Variants in CLASP1 observed in about 807,000 individuals in gnomAD.
CLASP1 encodes the protein CLIP-associating protein 1.
Under a neutral mutation model 192.3 loss-of-function variants are expected in CLASP1, and 38 were observed. That is an observed-to-expected ratio of 0.20 (90% confidence interval 0.15 to 0.26). The LOEUF is 0.26. CLASP1 is among the 10% of genes least tolerant of loss of function. CLASP1 has a pLI of 1.00. For missense variants in CLASP1, 1,433 were observed against 1,932.5 expected, an observed-to-expected ratio of 0.74 and a Z score of 4.85; for synonymous variants, 691 against 712.8, an observed-to-expected ratio of 0.97 and a Z score of 0.49.
intron 30 of CLASP1, among the ~76,000 whole-genome samples, chr2:121,391,580 G>T (rs2074355715): frequency 6.6e-6 from 1 of 152,178 alleles, no homozygotes; most frequent in African/African-American, 2.4e-5. Context: ...CTTGCTACAG[G>T]TGATGAAATG....
In CLASP1 at chr2:121,382,331, T is replaced by C; in HGVS notation, c.3375-7A>G. 1 of 1,519,320 alleles carries C rather than the reference T, an allele frequency of 6.6e-7. No individual in the cohort carries two copies. The highest frequency in any genetic ancestry group is 1.3e-5 in the South Asian group (1 of 78,596). 94.1% of individuals were successfully genotyped at this position (1,519,320 alleles called of 1,614,324 possible). ...ACTCCAACCCCATAACCGACTGCAG[T>C]GATCAGAAGAGGAAAATCAGAGAGA... On this transcript the variant is annotated splice_polypyrimidine_tract_variant and splice_region_variant and intron_variant, in intron 32 of 39. Coordinates refer to ENST00000263710, the Ensembl canonical transcript of CLASP1.
At chr2:121,644,560 C>A (rs1372594178) in intron 1 of CLASP1, among the ~76,000 whole-genome samples, 2 of 152,130 alleles carry the variant, frequency 1.3e-5, no homozygotes, top group East Asian at 1.9e-4. Context: ...GAGGCTGAGG[C>A]AGGAGAATTG....
chr2:121,637,908 C>T (rs1207130614), intron 1 of CLASP1, among the ~76,000 whole-genome samples: 1 of 151,418 alleles, frequency 6.6e-6, no homozygotes, highest in East Asian at 1.9e-4. Context: ...AATTGAAAAA[C>T]TTTTTTAAGA....
chr2:121,345,515 G>T (rs2063338503), intron 39 of CLASP1, among the ~76,000 whole-genome samples: 1 of 152,206 alleles, frequency 6.6e-6, no homozygotes, highest in Non-Finnish European at 1.5e-5. Flanking sequence ...TTTGTGAATT[G>T]TATCATTGAA....
chr2:121,567,714 C>T (rs946297874), intron 2 of CLASP1, among the ~76,000 whole-genome samples: 4 of 152,172 alleles, frequency 2.6e-5, no homozygotes, highest in Non-Finnish European at 4.4e-5. Flanking sequence ...ATGTGTGAAA[C>T]GGGCAAATAA....
rs578012011 is a variant in CLASP1 at position 121,447,502 on chromosome 2, T to C, written c.1747A>G (p.Thr583Ala). The change falls in exon 19 of 40, where the codon ACA (threonine) becomes GCA (alanine). Residue 583 changes from threonine (T) to alanine (A), a missense_variant. Coordinates refer to ENST00000263710, the Ensembl canonical transcript of CLASP1. ...GTTGACACAGATTTGGTACTAACTG[T>C]AGAAGCTTTAGTGATAAAGGAGGAA... is the stretch of plus-strand genomic sequence containing the variant. 16 of 1,551,784 alleles carry C rather than the reference T, an allele frequency of 1.0e-5. No individual in the cohort carries two copies. In the South Asian group the frequency reaches 1.8e-4, roughly 17 times the overall value.
At chr2:121,579,147 G>T (rs1191630638) in intron 2 of CLASP1, among the ~76,000 whole-genome samples, 1 of 152,024 alleles carries the variant, frequency 6.6e-6, no homozygotes, top group Non-Finnish European at 1.5e-5. Flanking sequence ...TTATTCATAT[G>T]GTTTTTTTAC....
chr2:121,484,114 T>C (rs1040523574), intron 8 of CLASP1, among the ~76,000 whole-genome samples: 3 of 152,226 alleles, frequency 2.0e-5, no homozygotes, highest in African/African-American at 7.2e-5. Context: ...TGCAGATAAG[T>C]GCAGTTATTC....
intron 37 of CLASP1, among the ~76,000 whole-genome samples, chr2:121,362,144 A>G (rs533458061): frequency 1.3e-5 from 2 of 152,372 alleles, no homozygotes; most frequent in African/African-American, 2.4e-5. Context: ...ATGAGCCAAG[A>G]GCTCAAACTA....
chr2:121,539,270 T>C (rs2095173149), intron 2 of CLASP1, among the ~76,000 whole-genome samples: 1 of 152,182 alleles, frequency 6.6e-6, no homozygotes, highest in South Asian at 2.1e-4. Flanking sequence ...TTTATTACAA[T>C]ATCACAGGAA....
intron 33 of CLASP1, among the ~76,000 whole-genome samples, chr2:121,377,944 C>T (rs926700320): frequency 6.6e-6 from 1 of 151,688 alleles, no homozygotes; most frequent in African/African-American, 2.4e-5. Context: ...ACTGAAGGCA[C>T]GAGATAATGA....
intron 1 of CLASP1, among the ~76,000 whole-genome samples, chr2:121,628,496 T>C (rs555162436): frequency 3.3e-4 from 50 of 151,966 alleles, no homozygotes; most frequent in African/African-American, 1.2e-3. Flanking sequence ...GCCAACATGG[T>C]GAAACCCCAT....
chr2:121,595,205 G>A (rs1425822411), intron 2 of CLASP1, among the ~76,000 whole-genome samples: 1 of 152,086 alleles, frequency 6.6e-6, no homozygotes, highest in African/African-American at 2.4e-5. Flanking sequence ...AGACTATTCC[G>A]ACTAACATCC....
intron 19 of CLASP1, among the ~76,000 whole-genome samples, chr2:121,446,870 C>T (rs928122038): frequency 6.6e-6 from 1 of 152,160 alleles, no homozygotes; most frequent in Admixed American, 6.6e-5. Context: ...CTGCCATTCC[C>T]CACAACCCAA....
At chr2:121,568,078 T>C (rs540773951) in intron 2 of CLASP1, among the ~76,000 whole-genome samples, 8 of 152,310 alleles carry the variant, frequency 5.3e-5, no homozygotes, top group Non-Finnish European at 7.4e-5. Flanking sequence ...CTAACATGCA[T>C]TGAACAGCAC....
chr2:121,567,024 CAGAT>C (rs750151297), intron 2 of CLASP1, among the ~76,000 whole-genome samples: 17 of 152,192 alleles, frequency 1.1e-4, no homozygotes, highest in Admixed American at 2.0e-4. Context: ...GTTCTGAACA[CAGAT>C]AGCCCCATTT....
At chr2:121,418,859 G>A (rs937051943) in intron 22 of CLASP1, 130 bp from the exon 23 acceptor site, 1 of 658,552 alleles carries the variant, frequency 1.5e-6, no homozygotes, top group Admixed American at 2.2e-5. Flanking sequence ...TCTGATGACT[G>A]AGCCACCTAT....
chr2:121,454,931 C>T (rs2086300736), intron 14 of CLASP1, among the ~76,000 whole-genome samples: 2 of 152,210 alleles, frequency 1.3e-5, no homozygotes. Flanking sequence ...ATTGTGAATC[C>T]TCCAAACCTT....
chr2:121,623,290 A>G (rs2067706459), intron 1 of CLASP1, among the ~76,000 whole-genome samples: 1 of 152,164 alleles, frequency 6.6e-6, no homozygotes, highest in African/African-American at 2.4e-5. Context: ...CACTATTGAG[A>G]TGATCATGTT....
Sources: allele counts gnomAD v4.1 joint callset (sites outside exome capture counted in the v4.1 genomes callset), GRCh38; gene constraint gnomAD v4.1.1; transcripts MANE v1.5; gene names NCBI Gene and HGNC (gene_info 2026-07-23, HGNC 2026-07-21).